The following GPR153 variants were observed in gnomAD, a reference collection of about 807,000 sequenced individuals.
GPR153 encodes G protein-coupled receptor 153.
Under a neutral mutation model 34.1 loss-of-function variants are expected in GPR153, and 27 were observed. The ratio of observed to expected loss-of-function variants is 0.79; its 90% CI spans 0.58 to 1.09. The LOEUF is 1.09. GPR153 is among the 50% of genes least tolerant of loss of function. The probability of loss-of-function intolerance (pLI) is 0.00; values close to 1 mark genes in which losing one functional copy is unlikely to be tolerated. For synonymous variants in GPR153, 408 were observed against 405.4 expected (o/e 1.01, Z -0.08); for missense variants, 848 against 860.2 (o/e 0.99, Z 0.18).
In GPR153 at chr1:6,249,010, T is replaced by C. The variant is rs1044392577; in HGVS notation, c.*328A>G. 4.4e-6 allele frequency: 1 copy of C among 229,874 alleles called. No homozygotes were observed. Among genetic ancestry groups the C allele is most frequent in the Non-Finnish European group, 8.4e-6 (1 of 118,828 alleles). The allele number at this position is 229,874 out of a possible 1,614,324, so 14.2% of individuals were successfully genotyped here. On this transcript the variant is annotated 3_prime_UTR_variant, in exon 6 of 6. Transcript: ENST00000377893. This position sits in a 1 kb window ranked among gnomAD's most constrained non-coding sequence, Gnocchi z 4.3. Reference sequence around the variant, plus strand: ...CTCAGGTTCCCTGCTCCCGACGTCCTGTTGCGCAGGGCTGGTGATGGCGCA... The same window carrying C: ...CTCAGGTTCCCTGCTCCCGACGTCCCGTTGCGCAGGGCTGGTGATGGCGCA...
intron 1 of GPR153, among the ~76,000 whole-genome samples, chr1:6,257,093 A>G (rs974031697): frequency 4.6e-5 from 7 of 152,238 alleles, no homozygotes; most frequent in African/African-American, 1.7e-4. Context: ...TCAGGGAACC[A>G]TCCAAGGTGG....
chr1:6,252,824 G>A (rs1164481796), intron 3 of GPR153, among the ~76,000 whole-genome samples: 1 of 152,104 alleles, frequency 6.6e-6, no homozygotes, highest in Non-Finnish European at 1.5e-5. Context: ...GGCCAAGCTG[G>A]TCCCAGCTTC....
intron 1 of GPR153, among the ~76,000 whole-genome samples, chr1:6,260,272 G>C (rs1387414114): frequency 6.6e-6 from 1 of 151,914 alleles, no homozygotes; most frequent in Non-Finnish European, 1.5e-5. Context: ...ACGGGGCCCG[G>C]CCTGGCCGTC....
At chr1:6,250,227 G>T in intron 5 of GPR153, 2 of 985,412 alleles carry the variant, frequency 2.0e-6, no homozygotes, top group South Asian at 4.7e-5. Flanking sequence ...TACTGAGCCG[G>T]CAGGAGATAA....
At position 6,248,867 on chromosome 1, in the gene GPR153, C is replaced by G. The variant is rs948342754; in HGVS notation, c.*471G>C. 1 of 153,730 alleles carries G rather than the reference C, an allele frequency of 6.5e-6. No homozygotes were observed. The allele number at this position is 153,730 out of a possible 1,614,324, so 9.5% of individuals were successfully genotyped here. Reference sequence around the variant, plus strand: ...GCTTAGAGACCCTCTGTACCCTCCCCCCCCCCGAAGGGTGTGGCGGTTATG... The same window carrying G: ...GCTTAGAGACCCTCTGTACCCTCCCGCCCCCCGAAGGGTGTGGCGGTTATG... On this transcript the variant is annotated 3_prime_UTR_variant, in exon 6 of 6. Transcript: ENST00000377893.
chr1:6,250,574 G>C lies in GPR153; in HGVS notation c.1030C>G (p.Leu344Val). ...AAATCACCTCCATAGCCATAGTCCA[G>C]GGAGCGCTCCAACACCAGGTCCGGG... is the stretch of plus-strand genomic sequence containing the variant. Reference protein sequence around the residue: ...ISPDLVLERSLDYGYGGDFVA... With the variant: ...ISPDLVLERSVDYGYGGDFVA... Residue 344 changes from leucine to valine, a missense_variant, in exon 5 of 6, where the codon CTG (leucine) becomes GTG (valine). By Grantham distance (32) the Leu-to-Val change is conservative. Coordinates refer to ENST00000377893, the MANE Select transcript of GPR153 (RefSeq NM_207370.4). 3 of 1,589,352 alleles carry C rather than the reference G, an allele frequency of 1.9e-6. No homozygotes were observed. The highest frequency in any genetic ancestry group is 2.6e-6 in the Non-Finnish European group (3 of 1,168,810).
At chr1:6,259,257 G>T (rs1638623305) in intron 1 of GPR153, among the ~76,000 whole-genome samples, 1 of 152,186 alleles carries the variant, frequency 6.6e-6, no homozygotes, top group African/African-American at 2.4e-5. Flanking sequence ...GTGAGACCCT[G>T]TCTTAAAAAG....
chr1:6,251,601 G>A lies in GPR153; in HGVS notation c.787-71C>T. ...TCACACAAGCTCCCCCTGAGTCTCGGTCTCCCCATGTGTACGGCAGGTCTG... is the reference window on the plus strand; with the variant it reads ...TCACACAAGCTCCCCCTGAGTCTCGATCTCCCCATGTGTACGGCAGGTCTG... On this transcript the variant is annotated intron_variant, in intron 3 of 5. Transcript: ENST00000377893. This position sits in a 1 kb window ranked among gnomAD's most constrained non-coding sequence, Gnocchi z 4.9. 1.4e-6 allele frequency: 2 copies of A among 1,446,016 alleles called. No homozygotes were observed. Among genetic ancestry groups the A allele is most frequent in the Non-Finnish European group, 1.8e-6 (2 of 1,089,020 alleles). 89.6% of individuals were successfully genotyped at this position (1,446,016 alleles called of 1,614,324 possible).
intron 1 of GPR153, among the ~76,000 whole-genome samples, chr1:6,260,445 C>G (rs1217339506): frequency 1.3e-5 from 2 of 149,300 alleles, no homozygotes; most frequent in African/African-American, 5.1e-5. Context: ...GTGGGTGCCC[C>G]GAGTCCTGCC....
At chr1:6,260,220 C>T (rs1638639950) in intron 1 of GPR153, among the ~76,000 whole-genome samples, 1 of 152,124 alleles carries the variant, frequency 6.6e-6, no homozygotes, top group Non-Finnish European at 1.5e-5. Flanking sequence ...CCGGCTTCCG[C>T]CCCCACGCCG....
In GPR153 at chr1:6,261,039, GCC is replaced by G. The variant is rs1638669061; in HGVS notation, c.-326_-325del. The G allele has an allele frequency of 6.8e-6, 1 of 147,058 alleles. No homozygotes were observed. The highest frequency in any genetic ancestry group is 6.8e-5 in the Admixed American group (1 of 14,760). 9.1% of individuals were successfully genotyped at this position (147,058 alleles called of 1,614,324 possible). A position where few individuals can be genotyped will look rare whatever the true frequency, so the allele number is the denominator to read the frequency against. On this transcript the variant is annotated 5_prime_UTR_variant, in exon 1 of 6. Coordinates refer to ENST00000377893, the MANE Select transcript of GPR153 (RefSeq NM_207370.4). The stretch of plus-strand genomic sequence containing the variant: ...CCCGCCGCCCCTCCCTCCCCTAGGC[GCC>G]GCCGCCGCCGCCGCGCTTCGCTCAG...
At chr1:6,257,147 C>T (rs1638585382) in intron 1 of GPR153, among the ~76,000 whole-genome samples, 1 of 152,240 alleles carries the variant, frequency 6.6e-6, no homozygotes, top group Non-Finnish European at 1.5e-5. Flanking sequence ...TGGCACCATC[C>T]CAGAACAAGT....
At chr1:6,254,246 C>G (rs535302325) in intron 2 of GPR153, 99 bp from the exon 3 acceptor site, 1 of 1,119,280 alleles carries the variant, frequency 8.9e-7, no homozygotes, top group African/African-American at 1.6e-5. Flanking sequence ...CCCAGGCACC[C>G]CACACCCCCA....
intron 1 of GPR153, among the ~76,000 whole-genome samples, chr1:6,255,443 C>T (rs528696593): frequency 2.0e-4 from 30 of 151,390 alleles, no homozygotes; most frequent in African/African-American, 6.3e-4. Context: ...GTAATCTGCC[C>T]GCCTCGGCCT....
At chr1:6,259,122 G>A (rs768354617) in intron 1 of GPR153, among the ~76,000 whole-genome samples, 4 of 152,334 alleles carry the variant, frequency 2.6e-5, no homozygotes, top group South Asian at 2.1e-4. Flanking sequence ...TTGGCCAGGC[G>A]TAGTGGTGTG....
chr1:6,253,006 C>T (rs1571239512), intron 3 of GPR153, among the ~76,000 whole-genome samples: 1 of 152,268 alleles, frequency 6.6e-6, no homozygotes, highest in South Asian at 2.1e-4. Context: ...GCGCCCCTAC[C>T]TACCTACCTA....
chr1:6,256,685 A>G (rs1638574619), intron 1 of GPR153, among the ~76,000 whole-genome samples: 1 of 152,098 alleles, frequency 6.6e-6, no homozygotes, highest in Non-Finnish European at 1.5e-5. Flanking sequence ...TTTATATTTT[A>G]GAGACAGAGT....
chr1:6,254,263 C>T (rs2100989568), intron 2 of GPR153, 116 bp from the exon 3 acceptor site: 2 of 965,450 alleles, frequency 2.1e-6, no homozygotes, highest in East Asian at 2.5e-5. Flanking sequence ...CCCAGTATAT[C>T]ATAGTCATGG....
intron 1 of GPR153, among the ~76,000 whole-genome samples, chr1:6,259,955 C>T (rs940036686): frequency 3.9e-5 from 6 of 152,144 alleles, no homozygotes; most frequent in African/African-American, 1.2e-4. Context: ...GGAAGTTTCT[C>T]CTGCAGGGCA....
Sources: gnomAD v4.1 joint callset for allele counts (sites outside exome capture counted in the v4.1 genomes callset) on GRCh38, gnomAD v4.1.1 for gene constraint, Gnocchi (gnomAD v3.1) non-coding constraint, MANE v1.5 for transcripts, NCBI Gene and HGNC (gene_info 2026-07-23, HGNC 2026-07-21) for gene names.